The following FSTL5 variants were observed in gnomAD, a reference collection of about 807,000 sequenced individuals.
The protein encoded by FSTL5 is follistatin-related protein 5.
FSTL5 carries 62 observed loss-of-function variants against 89.1 expected under a neutral mutation model. The observed-to-expected ratio is 0.70, with a 90% CI of 0.57 to 0.86. The LOEUF is 0.86. FSTL5 is among the 40% of genes least tolerant of loss of function. FSTL5 has a pLI of 0.00. For missense variants in FSTL5, 1,057 were observed against 1,001.6 expected (o/e 1.06, Z -0.75); for synonymous variants, 383 against 346.2 (o/e 1.11, Z -1.18).
chr4:161,592,051 G>A (rs995956435), intron 7 of FSTL5, among the ~76,000 whole-genome samples: 2 of 151,978 alleles, frequency 1.3e-5, no homozygotes, highest in African/African-American at 4.8e-5. Context: ...GAGACAAAAC[G>A]CTCAAAACAA....
intron 7 of FSTL5, among the ~76,000 whole-genome samples, chr4:161,643,078 T>A (rs1381838315): frequency 1.3e-5 from 2 of 152,216 alleles, no homozygotes; most frequent in Non-Finnish European, 2.9e-5. Context: ...AATATTTTTT[T>A]AAATGGCAAT....
At chr4:161,748,649 A>C (rs1740286814) in intron 6 of FSTL5, among the ~76,000 whole-genome samples, 1 of 145,468 alleles carries the variant, frequency 6.9e-6, no homozygotes, top group Non-Finnish European at 1.5e-5. Flanking sequence ...ACAGTATCTC[A>C]CATGAAAAGA....
chr4:161,634,725 G>T (rs530445305), intron 7 of FSTL5, among the ~76,000 whole-genome samples: 2 of 152,236 alleles, frequency 1.3e-5, no homozygotes, highest in South Asian at 2.1e-4. Context: ...AATGGTGGTT[G>T]TCAGGAACTG....
chr4:161,787,538 C>T (rs898835074), intron 4 of FSTL5, among the ~76,000 whole-genome samples: 1 of 152,064 alleles, frequency 6.6e-6, no homozygotes, highest in African/African-American at 2.4e-5. Context: ...TTTAGTCATT[C>T]AACTTTAGAT....
At chr4:162,144,923 C>A (rs1732910005) in intron 1 of FSTL5, among the ~76,000 whole-genome samples, 1 of 146,130 alleles carries the variant, frequency 6.8e-6, no homozygotes, top group African/African-American at 2.5e-5. Flanking sequence ...TGAGACTCCC[C>A]CCTAAATTTT....
chr4:161,662,314 A>C (rs559047482), intron 6 of FSTL5, among the ~76,000 whole-genome samples: 13 of 152,318 alleles, frequency 8.5e-5, no homozygotes, highest in Admixed American at 7.2e-4. Context: ...AAGAGAAGAC[A>C]GCATGATGAG....
intron 7 of FSTL5, among the ~76,000 whole-genome samples, chr4:161,629,239 T>A (rs143277180): frequency 6.6e-6 from 1 of 152,336 alleles, no homozygotes; most frequent in African/African-American, 2.4e-5. Flanking sequence ...CCAGCTCTGT[T>A]TTCTGTTCCA....
chr4:161,584,621 C>CTTGA (rs1560965907), intron 8 of FSTL5, among the ~76,000 whole-genome samples: 1 of 152,090 alleles, frequency 6.6e-6, no homozygotes, highest in Non-Finnish European at 1.5e-5. Flanking sequence ...TAGAAGTGTT[C>CTTGA]TTGATTTTTT....
chr4:161,663,567 C>T (rs1026655630), intron 6 of FSTL5, among the ~76,000 whole-genome samples: 36 of 152,266 alleles, frequency 2.4e-4, no homozygotes, highest in Middle Eastern at 3.4e-3. Context: ...GTCAGCTCAG[C>T]CCCTGTGGCA....
chr4:161,843,895 C>A (rs1475705482), intron 4 of FSTL5, among the ~76,000 whole-genome samples: 3 of 152,136 alleles, frequency 2.0e-5, no homozygotes, highest in African/African-American at 7.2e-5. Flanking sequence ...GCAAAGACTT[C>A]ATGACTAAAA....
intron 3 of FSTL5, among the ~76,000 whole-genome samples, chr4:161,955,855 A>G (rs1053753381): frequency 1.3e-5 from 2 of 151,840 alleles, no homozygotes; most frequent in African/African-American, 4.8e-5. Flanking sequence ...CCAATAAAAT[A>G]GAAGAGAACA....
intron 8 of FSTL5, among the ~76,000 whole-genome samples, chr4:161,566,131 TATATAC>T (rs201811019): frequency 5.8e-4 from 45 of 77,572 alleles, no homozygotes; most frequent in East Asian, 3.7e-3. Flanking sequence ...TATATATATA[TATATAC>T]ACACACACAC....
At chr4:162,134,191 T>C (rs888247634) in intron 1 of FSTL5, among the ~76,000 whole-genome samples, 2 of 152,226 alleles carry the variant, frequency 1.3e-5, no homozygotes, top group African/African-American at 2.4e-5. Context: ...GGCTATTGCA[T>C]TGTAAAATGT....
chr4:162,048,792 A>G (rs758204022), intron 2 of FSTL5, among the ~76,000 whole-genome samples: 14 of 152,212 alleles, frequency 9.2e-5, no homozygotes, highest in Non-Finnish European at 1.9e-4. Context: ...AATATTATAA[A>G]TTAGATATTC....
chr4:161,844,978 CAA>C (rs1767772653), intron 4 of FSTL5, among the ~76,000 whole-genome samples: 1 of 151,870 alleles, frequency 6.6e-6, no homozygotes, highest in Non-Finnish European at 1.5e-5. Context: ...ATAAAAATAA[CAA>C]AGAGTAAAAA....
Position 162,161,859 on chromosome 4 carries a change from T to A in FSTL5, c.-17+1756A>T, listed in dbSNP as rs549864783. On this transcript the variant is annotated intron_variant, in intron 1 of 15. Coordinates refer to ENST00000306100, the MANE Select transcript of FSTL5 (RefSeq NM_020116.5). ...AAATATTTATACCAACATAATTAGTTTTAACAAGAACATTTCAAAATTTGT... is the reference window on the plus strand; with the variant it reads ...AAATATTTATACCAACATAATTAGTATTAACAAGAACATTTCAAAATTTGT... 2.0e-5 allele frequency among the ~76,000 whole-genome samples: 3 copies of A among 152,172 alleles called. No individual in the cohort carries two copies. The South Asian group carries it at 6.2e-4, about 32-fold the overall frequency.
chr4:161,833,502 T>A (rs4691028), intron 4 of FSTL5, among the ~76,000 whole-genome samples: 31,944 of 65,398 alleles, frequency 0.49, 7,683 homozygotes, highest in Non-Finnish European at 0.57. Context: ...CCCATTATTA[T>A]TGTGTGGGAG....
chr4:161,627,669 T>G (rs1735362765), intron 7 of FSTL5, among the ~76,000 whole-genome samples: 1 of 152,150 alleles, frequency 6.6e-6, no homozygotes, highest in Admixed American at 6.6e-5. Context: ...CACCATATAT[T>G]TATACCCATT....
intron 3 of FSTL5, among the ~76,000 whole-genome samples, chr4:161,949,392 A>C (rs1734827074): frequency 6.6e-6 from 1 of 152,116 alleles, no homozygotes; most frequent in African/African-American, 2.4e-5. Flanking sequence ...GCTTTTAAAA[A>C]ATCTTCTCTT....
Sources: allele counts gnomAD v4.1 joint callset (sites outside exome capture counted in the v4.1 genomes callset), GRCh38; gene constraint gnomAD v4.1.1; transcripts MANE v1.5; gene names NCBI Gene and HGNC (gene_info 2026-07-23, HGNC 2026-07-21).